The following CCAR1 variants were observed in gnomAD, a reference collection of about 807,000 sequenced individuals.
CCAR1 encodes the protein cell division cycle and apoptosis regulator 1, also known as cell division cycle and apoptosis regulator protein 1.
In CCAR1, 78 loss-of-function variants were observed where a neutral mutation model predicts 163.8. That is an observed-to-expected ratio of 0.48 (90% CI 0.40 to 0.57). The LOEUF is 0.57. Among genes scored for constraint, CCAR1 ranks in the 20% least tolerant of loss-of-function variants. The pLI is 0.00. For synonymous variants in CCAR1, 443 were observed against 460.7 expected, an observed-to-expected ratio of 0.96 and a Z score of 0.49; for missense variants, 1,019 against 1,365.2, an observed-to-expected ratio of 0.75 and a Z score of 4.00.
intron 11 of CCAR1, among the ~76,000 whole-genome samples, chr10:68,754,442 A>G (rs2056374158): frequency 6.6e-6 from 1 of 152,218 alleles, no homozygotes. Context: ...TATAGTCTAT[A>G]GTTTTGTTTA....
In CCAR1 at chr10:68,751,520, G is replaced by T. The variant is rs921838129; in HGVS notation, c.1118+1835G>T. On this transcript the variant is annotated intron_variant, in intron 10 of 24. Coordinates refer to ENST00000265872, the MANE Select transcript of CCAR1 (RefSeq NM_018237.4). ...AATATTGAATGCTCTTTTGGGAAGAGTTGATGCATAGGATATGAAATTGAA... is the reference window on the plus strand; with the variant it reads ...AATATTGAATGCTCTTTTGGGAAGATTTGATGCATAGGATATGAAATTGAA... Among the ~76,000 whole-genome samples, 3 of 152,046 alleles carry T rather than the reference G, an allele frequency of 2.0e-5. No individual in the cohort carries two copies. In the East Asian group the frequency reaches 5.8e-4, roughly 29 times the overall value.
chr10:68,779,938 T>G (rs117542332), intron 19 of CCAR1, among the ~76,000 whole-genome samples: 2 of 152,218 alleles, frequency 1.3e-5, no homozygotes, highest in African/African-American at 4.8e-5. Context: ...TAAATAAATT[T>G]AGTGTTGATA....
chr10:68,782,342 T>G (rs1564552454), intron 19 of CCAR1, among the ~76,000 whole-genome samples: 1 of 151,986 alleles, frequency 6.6e-6, no homozygotes, highest in Non-Finnish European at 1.5e-5. Flanking sequence ...GCCCAGGCAT[T>G]TAAGGCTGCA....
At chr10:68,762,762 T>C (rs1191163152) in intron 16 of CCAR1, among the ~76,000 whole-genome samples, 1 of 152,142 alleles carries the variant, frequency 6.6e-6, no homozygotes, top group East Asian at 1.9e-4. Flanking sequence ...TTTATTTTTT[T>C]TAAATTTTTT....
intron 15 of CCAR1, among the ~76,000 whole-genome samples, chr10:68,760,189 C>T (rs1024936153): frequency 6.6e-6 from 1 of 152,144 alleles, no homozygotes; most frequent in African/African-American, 2.4e-5. Flanking sequence ...GACAAGGTCT[C>T]TGTCGCCGCG....
At chr10:68,725,281 C>T (rs1211168674) in intron 2 of CCAR1, among the ~76,000 whole-genome samples, 1 of 151,982 alleles carries the variant, frequency 6.6e-6, no homozygotes, top group African/African-American at 2.4e-5. Flanking sequence ...TTGACCAACA[C>T]AGTGAAACCT....
chr10:68,743,090 G>A (rs1353499495), intron 6 of CCAR1, among the ~76,000 whole-genome samples: 1 of 151,846 alleles, frequency 6.6e-6, no homozygotes, highest in Non-Finnish European at 1.5e-5. Flanking sequence ...GCGCCAGCAC[G>A]CCTGGCTCAT....
At position 68,745,509 on chromosome 10, in the gene CCAR1, G is replaced by T. The variant is rs1375782776; in HGVS notation, c.519-1652G>T. On this transcript the variant is annotated intron_variant, in intron 6 of 24. Transcript: ENST00000265872. Reference sequence around the variant, plus strand: ...ACCGAGTTTCGCTCTTGTTGCCCAGGTTGGAGTGCAATGGCATGATCTCGG... The same window carrying T: ...ACCGAGTTTCGCTCTTGTTGCCCAGTTTGGAGTGCAATGGCATGATCTCGG... Among the ~76,000 whole-genome samples the T allele has an allele frequency of 5.9e-5, 9 of 151,686 alleles. No homozygotes were observed. In the East Asian group the frequency reaches 1.6e-3, roughly 26 times the overall value.
intron 8 of CCAR1, among the ~76,000 whole-genome samples, chr10:68,747,978 C>T (rs543541971): frequency 6.6e-6 from 1 of 152,206 alleles, no homozygotes; most frequent in African/African-American, 2.4e-5. Context: ...CTCAGCCTCC[C>T]AAGTAGCTGG....
rs775814736 is a variant in CCAR1 at position 68,722,543 on chromosome 10, T to G, written c.39T>G (p.Ala13=). Residue 13 remains alanine (A), a synonymous_variant, in exon 2 of 25, where the codon GCT becomes GCG. Transcript: ENST00000265872. The stretch of plus-strand genomic sequence containing the variant: ...GAGGACAGAAGAATCCGCCATGGGC[T>G]ACTCAGTTTACAGCCACTGCAGTAT... ...QFGGQKNPPW[A]TQFTATAVSQ... 1.2e-6 allele frequency: 2 copies of G among 1,614,020 alleles called. No individual in the cohort carries two copies. The highest frequency in any genetic ancestry group is 3.3e-5 in the Admixed American group (2 of 60,006).
intron 15 of CCAR1, among the ~76,000 whole-genome samples, chr10:68,760,613 A>C (rs2056456725): frequency 6.6e-6 from 1 of 152,212 alleles, no homozygotes; most frequent in Non-Finnish European, 1.5e-5. Flanking sequence ...TCACGCCTGT[A>C]ATCCCAGCAC....
At position 68,740,664 on chromosome 10, in the gene CCAR1, T is replaced by C; in HGVS notation, c.324+3T>C. The C allele has an allele frequency of 6.2e-7, 1 of 1,606,930 alleles. No homozygotes were observed. The highest frequency in any genetic ancestry group is 8.5e-7 in the Non-Finnish European group (1 of 1,175,770). On this transcript the variant is annotated splice_donor_region_variant and intron_variant, in intron 5 of 24. Coordinates refer to ENST00000265872, the MANE Select transcript of CCAR1 (RefSeq NM_018237.4). ...CCCAGCAAACCCTCTTAACACAGGT[T>C]AGTTGGTATTACTTTATTTGTTTTG...
At chr10:68,752,752 G>A (rs536164322) in intron 10 of CCAR1, among the ~76,000 whole-genome samples, 1 of 152,186 alleles carries the variant, frequency 6.6e-6, no homozygotes, top group South Asian at 2.1e-4. Context: ...CGTAGTCCTA[G>A]CTATAATACT....
At chr10:68,757,820 T>C (rs1296807621) in intron 15 of CCAR1, among the ~76,000 whole-genome samples, 1 of 96,622 alleles carries the variant, frequency 1.0e-5, no homozygotes, top group African/African-American at 3.2e-5. Context: ...GTAACTATAG[T>C]AACTTTGAGA....
intron 2 of CCAR1, among the ~76,000 whole-genome samples, chr10:68,733,460 A>G (rs1228730588): frequency 6.7e-6 from 1 of 149,956 alleles, no homozygotes; most frequent in Non-Finnish European, 1.5e-5. Context: ...AATGATTAGC[A>G]CTGTGTATTT....
In CCAR1 at chr10:68,765,936, A is replaced by G. The variant is rs1362081593; in HGVS notation, c.2155A>G (p.Arg719Gly). Reference protein sequence around the residue: ...QEEIERQRRERRYILPDEPAI... With the variant: ...QEEIERQRREGRYILPDEPAI... ...GGAAATAGAACGCCAGCGTCGAGAA[A>G]GAAGATATATTTTGCCTGATGAACC... Residue 719 changes from arginine to glycine, a missense_variant, in exon 17 of 25, where the codon AGA becomes GGA. Around this residue, in one of 4 missense-constraint regions of CCAR1, gnomAD observed 644 missense variants for 904.4 expected, o/e 0.71. Transcript: ENST00000265872. 1 of 1,613,790 alleles carries G rather than the reference A, an allele frequency of 6.2e-7. No individual in the cohort carries two copies. Among genetic ancestry groups the G allele is most frequent in the East Asian group, 2.2e-5 (1 of 44,894 alleles).
chr10:68,749,451 C>T (rs1351177052), intron 9 of CCAR1, 73 bp from the exon 10 acceptor site: 14 of 1,349,126 alleles, frequency 1.0e-5, no homozygotes, highest in African/African-American at 7.4e-5. Context: ...ATATTACCTA[C>T]TCTATTTACT....
At chr10:68,770,512 G>T (rs888660429) in intron 17 of CCAR1, among the ~76,000 whole-genome samples, 9 of 152,206 alleles carry the variant, frequency 5.9e-5, no homozygotes, top group African/African-American at 2.2e-4. Flanking sequence ...GGAGACCAAG[G>T]CAGGCGGATC....
At position 68,786,346 on chromosome 10, in the gene CCAR1, T is replaced by G. The variant is rs187624938; in HGVS notation, c.2733+128T>G. On this transcript the variant is annotated intron_variant, in intron 20 of 24. Transcript: ENST00000265872. ...ACTAAGTAAAATTCTGTCAGTTGTT[T>G]TTTTGTGGCTATGTCAGATAACTAG... 7.7e-4 allele frequency: 602 copies of G among 785,182 alleles called. 6 individuals are homozygous for G. The East Asian group carries it at 0.015, about 20-fold the overall frequency. 48.6% of individuals were successfully genotyped at this position (785,182 alleles called of 1,614,324 possible).
Sources: allele counts gnomAD v4.1 joint callset (sites outside exome capture counted in the v4.1 genomes callset), GRCh38; gene constraint gnomAD v4.1.1; regional missense constraint gnomAD v4.1.1; transcripts MANE v1.5; gene names NCBI Gene and HGNC (gene_info 2026-07-23, HGNC 2026-07-21).